The following MIER1 variants were observed in gnomAD, a reference collection of about 807,000 sequenced individuals.
MIER1 encodes the protein MIER1 transcriptional regulator, also known as mesoderm induction early response protein 1.
MIER1 carries 40 observed loss-of-function variants against 75.7 expected under a neutral mutation model. That is an observed-to-expected ratio of 0.53 (90% CI 0.41 to 0.69). The LOEUF (loss-of-function observed/expected upper bound fraction) is 0.69. Among genes scored for constraint, MIER1 ranks in the 30% least tolerant of loss-of-function variants. MIER1 has a pLI of 0.00. For synonymous variants in MIER1, 213 were observed against 223.4 expected, an observed-to-expected ratio of 0.95 and a Z score of 0.42; for missense variants, 574 against 680.2, an observed-to-expected ratio of 0.84 and a Z score of 1.74.
rs1667019305 is a variant in MIER1 at position 66,988,170 on chromosome 1, A to G, written c.*3270A>G. The G allele has an allele frequency of 6.6e-6, 1 of 152,316 alleles. No individual in the cohort carries two copies. Among genetic ancestry groups the G allele is most frequent in the Non-Finnish European group, 1.5e-5 (1 of 68,020 alleles). 9.4% of individuals were successfully genotyped at this position (152,316 alleles called of 1,614,324 possible). Reference sequence around the variant, plus strand: ...TAAGGTTTTCCCAACTATAATCCATATTCATGAAAAATGCCAGTGTGGAAA... The same window carrying G: ...TAAGGTTTTCCCAACTATAATCCATGTTCATGAAAAATGCCAGTGTGGAAA... On this transcript the variant is annotated 3_prime_UTR_variant, in exon 14 of 14. Transcript: ENST00000401041.
chr1:66,959,483 T>C (rs1660811656), intron 6 of MIER1, among the ~76,000 whole-genome samples, 196 bp from the exon 7 acceptor site: 1 of 152,164 alleles, frequency 6.6e-6, no homozygotes, highest in Admixed American at 6.5e-5. Flanking sequence ...AATACAATTA[T>C]GTAGAAAGTT....
intron 12 of MIER1, 131 bp downstream of exon 12, chr1:66,976,853 T>G: frequency 2.8e-6 from 2 of 703,882 alleles, no homozygotes; most frequent in Non-Finnish European, 4.2e-6. Flanking sequence ...CCGAGAGTGA[T>G]AAAATCTTGC....
In MIER1 at chr1:66,947,381, TG is replaced by T. The variant is rs1276319902; in HGVS notation, c.339+1087del. The T allele has an allele frequency of 3.3e-5, 5 of 152,300 alleles. No homozygotes were observed. The South Asian group carries it at 8.3e-4, about 25-fold the overall frequency. The allele number at this position is 152,300 out of a possible 1,614,324, so 9.4% of individuals were successfully genotyped here. On this transcript the variant is annotated intron_variant, in intron 4 of 13. Transcript: ENST00000401041. ...TGTCCAAAACAGAACTATTGACTGT[TG>T]TTTTTTTCTCTGCTTGTTCTTTCCC...
At chr1:66,964,448 C>CTTT (rs71058483) in intron 8 of MIER1, among the ~76,000 whole-genome samples, 10 of 119,786 alleles carry the variant, frequency 8.3e-5, no homozygotes, top group African/African-American at 2.9e-4. Flanking sequence ...TGTATGTTTC[C>CTTT]TTTTTTTTTT....
Position 66,981,667 on chromosome 1 carries a change from A to G in MIER1, c.1230-112A>G, listed in dbSNP as rs185906969. ...TATGATAGATGAAGCACTGGAATGA[A>G]TGTTAAGTGAATATTAGGATATATT... On this transcript the variant is annotated intron_variant, in intron 12 of 13. Coordinates refer to ENST00000401041, the MANE Select transcript of MIER1 (RefSeq NM_001077700.3). The G allele has an allele frequency of 1.8e-4, 136 of 768,022 alleles. No individual in the cohort carries two copies. In the African/African-American group the frequency reaches 2.3e-3, roughly 13 times the overall value. The allele number at this position is 768,022 out of a possible 1,614,324, so 47.6% of individuals were successfully genotyped here.
At chr1:66,943,157 A>G (rs1221308564) in intron 3 of MIER1, among the ~76,000 whole-genome samples, 2 of 152,132 alleles carry the variant, frequency 1.3e-5, no homozygotes, top group Non-Finnish European at 2.9e-5. Flanking sequence ...TCAGTATCCC[A>G]GAAGATTGCT....
rs757486542 is a variant in MIER1, at chr1:66,976,702, T to C, written c.1209T>C (p.Tyr403=). 30 of 1,605,366 alleles carry C rather than the reference T, an allele frequency of 1.9e-5. No individual in the cohort carries two copies. The highest frequency in any genetic ancestry group is 2.0e-5 in the Non-Finnish European group (23 of 1,176,558). ...AAACACGATTTGGAAAGAAGAAATA[T>C]AATCTTCATCCTGGTGTAACGTGAG... The part of the protein sequence containing the change: ...AQQTRFGKKK[Y]NLHPGVTDYM... The change falls in exon 12 of 14, where the codon TAT becomes TAC. Residue 403 remains tyrosine (Y), a synonymous_variant. Coordinates refer to ENST00000401041, the MANE Select transcript of MIER1 (RefSeq NM_001077700.3).
At chr1:66,959,626 A>T in intron 6 of MIER1, 53 bp from the exon 7 acceptor site, 2 of 844,734 alleles carry the variant, frequency 2.4e-6, no homozygotes, top group Non-Finnish European at 3.7e-6. Flanking sequence ...TAATATGTAG[A>T]TTTAGACAGG....
At chr1:66,950,172 G>A (rs761009567) in intron 4 of MIER1, among the ~76,000 whole-genome samples, 9 of 152,062 alleles carry the variant, frequency 5.9e-5, no homozygotes, top group Admixed American at 4.6e-4. Context: ...GCAGTGGCAC[G>A]ATCTCGGCTC....
intron 7 of MIER1, among the ~76,000 whole-genome samples, chr1:66,960,552 C>T (rs533539850): frequency 6.6e-6 from 1 of 152,174 alleles, no homozygotes; most frequent in South Asian, 2.1e-4. Context: ...TGATGTTTCC[C>T]CTGTTGTCCC....
intron 2 of MIER1, among the ~76,000 whole-genome samples, chr1:66,927,528 A>G (rs911204720): frequency 6.6e-6 from 1 of 152,148 alleles, no homozygotes; most frequent in Non-Finnish European, 1.5e-5. Flanking sequence ...CTCTTCTAGT[A>G]TGAATAGGCT....
chr1:66,955,678 A>C (rs892879702), intron 4 of MIER1, among the ~76,000 whole-genome samples: 1 of 152,202 alleles, frequency 6.6e-6, no homozygotes. Flanking sequence ...TTGAGGATCA[A>C]ATAAATAATG....
intron 9 of MIER1, 48 bp downstream of exon 9, chr1:66,971,007 A>T: frequency 1.4e-6 from 2 of 1,478,026 alleles, no homozygotes; most frequent in Non-Finnish European, 1.8e-6. Context: ...ACATTTATAC[A>T]TGTAAATGCT....
chr1:66,925,062 A>G lies in MIER1; in HGVS notation c.34A>G (p.Ser12Gly). 1 of 1,548,690 alleles carries G rather than the reference A, an allele frequency of 6.5e-7. No homozygotes were observed. The highest frequency in any genetic ancestry group is 1.2e-5 in the South Asian group (1 of 83,998). ...GGCTTCTTCAGGCGGTGGCGGCAGC[A>G]GCGAAGGTGGCGGCGGCAGCAGCGG... ...DGASSGGGGS[S>G]EGGGGSSGSG... The change falls in exon 1 of 14, where the codon AGC becomes GGC. Residue 12 changes from serine (S) to glycine (G), a missense_variant. Physicochemically the swap from Ser to Gly is moderately conservative, Grantham distance 56. Transcript: ENST00000401041.
intron 3 of MIER1, among the ~76,000 whole-genome samples, chr1:66,945,267 G>GTATA (rs66525570): frequency 4.2e-4 from 60 of 141,812 alleles, no homozygotes; most frequent in Non-Finnish European, 6.7e-4. Context: ...TCTGGTGTGT[G>GTATA]TATATATATA....
rs1482775903 is a variant in MIER1 at position 66,985,284 on chromosome 1, T to C, written c.*384T>C. ...ACAAGGTAATTTTTGCTTAGTTTGA[T>C]GGATGAATGGGAAACTCAAGTCCAA... is the stretch of plus-strand genomic sequence containing the variant. On this transcript the variant is annotated 3_prime_UTR_variant, in exon 14 of 14. Transcript: ENST00000401041. 1.0e-6 allele frequency: 1 copy of C among 984,226 alleles called. No individual in the cohort carries two copies. The highest frequency in any genetic ancestry group is 1.1e-4 in the East Asian group (1 of 8,984). The allele number at this position is 984,226 out of a possible 1,614,324, so 61.0% of individuals were successfully genotyped here.
intron 1 of MIER1, chr1:66,925,475 G>T (rs1162725070): frequency 1.0e-6 from 1 of 985,320 alleles, no homozygotes; most frequent in Non-Finnish European, 1.2e-6. Flanking sequence ...TCTTTCTCCT[G>T]TATTTCCCTC....
intron 8 of MIER1, among the ~76,000 whole-genome samples, chr1:66,966,787 CT>C (rs887903701): frequency 5.5e-4 from 84 of 151,658 alleles, no homozygotes; most frequent in African/African-American, 2.0e-3. Context: ...TTGATGGACA[CT>C]TTTTTTGCCA....
chr1:66,941,270 G>T (rs1656140710), intron 3 of MIER1, among the ~76,000 whole-genome samples: 1 of 152,122 alleles, frequency 6.6e-6, no homozygotes, highest in East Asian at 1.9e-4. Flanking sequence ...TAATATGCTT[G>T]AGAGTAAAGT....
Sources: allele counts gnomAD v4.1 joint callset (sites outside exome capture counted in the v4.1 genomes callset), GRCh38; gene constraint gnomAD v4.1.1; transcripts MANE v1.5; gene names NCBI Gene and HGNC (gene_info 2026-07-23, HGNC 2026-07-21).